Variants in AFF3 observed in about 807,000 individuals in gnomAD.
AFF3 encodes the protein AF4/FMR2 family member 3.
In AFF3, 32 loss-of-function variants were observed where a neutral mutation model predicts 129.7. The ratio of observed to expected loss-of-function variants is 0.25; its 90% confidence interval spans 0.19 to 0.33. AFF3 has a LOEUF of 0.33. AFF3 is among the 10% of genes least tolerant of loss of function. The pLI, the probability that AFF3 is intolerant of heterozygous loss-of-function variation, is 1.00. For missense variants in AFF3, 1,373 were observed against 1,592.0 expected (o/e 0.86, Z 2.34); for synonymous variants, 644 against 635.4 (o/e 1.01, Z -0.20).
chr2:99,740,391 G>A (rs1427911707), intron 10 of AFF3, among the ~76,000 whole-genome samples: 3 of 151,364 alleles, frequency 2.0e-5, no homozygotes, highest in South Asian at 2.1e-4. Flanking sequence ...TCGCCACACC[G>A]ACTTCCACAA....
chr2:99,714,336 AAT>A (rs1299848895), intron 11 of AFF3, among the ~76,000 whole-genome samples: 4 of 152,190 alleles, frequency 2.6e-5, no homozygotes, highest in Non-Finnish European at 2.9e-5. Flanking sequence ...CCTCCAGTCT[AAT>A]TTGTGATTCT....
At chr2:99,820,515 T>A (rs2105673869) in intron 8 of AFF3, among the ~76,000 whole-genome samples, 1 of 152,104 alleles carries the variant, frequency 6.6e-6, no homozygotes, top group East Asian at 1.9e-4. Flanking sequence ...TACCGTACAC[T>A]ACTGTAGACT....
At chr2:100,093,071 C>T (rs113670738) in intron 4 of AFF3, among the ~76,000 whole-genome samples, 22,902 of 152,048 alleles carry the variant, frequency 0.15, 1,756 homozygotes, top group East Asian at 0.27. Context: ...AGACGGATTG[C>T]GTTACATTAT....
rs35573862 is a variant in AFF3 at position 99,896,620 on chromosome 2, CTTTTT to C, written c.874-59101_874-59097del. ...GATCATTTACTTCCCTGTCAAAATG[CTTTTT>C]TTTTTTTTTTTTTTTTTTTTTTTTT... On this transcript the variant is annotated intron_variant, in intron 7 of 24. Coordinates refer to ENST00000672756, the MANE Select transcript of AFF3 (RefSeq NM_001386135.1). Among the ~76,000 whole-genome samples the C allele has an allele frequency of 2.8e-4, 10 of 36,086 alleles. No individual in the cohort carries two copies. The South Asian group carries it at 4.9e-3, about 18-fold the overall frequency. The allele number at this position is 36,086 out of a possible 152,430, so 23.7% of individuals were successfully genotyped here.
At chr2:99,780,641 C>T (rs1386965908) in intron 8 of AFF3, among the ~76,000 whole-genome samples, 3 of 152,166 alleles carry the variant, frequency 2.0e-5, no homozygotes, top group Non-Finnish European at 4.4e-5. Context: ...TCGAGTTCCA[C>T]CACAAACCTG....
At chr2:99,973,073 A>G (rs1382343645) in intron 7 of AFF3, among the ~76,000 whole-genome samples, 1 of 152,178 alleles carries the variant, frequency 6.6e-6, no homozygotes, top group African/African-American at 2.4e-5. Flanking sequence ...ACCCGAAAAC[A>G]ACACATGATA....
At chr2:99,946,587 C>T (rs1180667449) in intron 7 of AFF3, among the ~76,000 whole-genome samples, 2 of 151,538 alleles carry the variant, frequency 1.3e-5, no homozygotes, top group Non-Finnish European at 2.9e-5. Flanking sequence ...TTTCCCCATA[C>T]CCCCAAACTC....
At chr2:99,586,797 C>T (rs1014972016) in intron 16 of AFF3, among the ~76,000 whole-genome samples, 5 of 152,094 alleles carry the variant, frequency 3.3e-5, no homozygotes, top group Non-Finnish European at 7.4e-5. Context: ...TGTATTTCTT[C>T]GTCTGTGTAA....
intron 12 of AFF3, among the ~76,000 whole-genome samples, chr2:99,657,170 G>A (rs1220658730): frequency 6.6e-6 from 1 of 152,186 alleles, no homozygotes; most frequent in African/African-American, 2.4e-5. Context: ...AGAGCTGAAC[G>A]GGGTCAGCAG....
intron 8 of AFF3, among the ~76,000 whole-genome samples, chr2:99,800,009 T>C (rs1407538504): frequency 6.6e-6 from 1 of 152,168 alleles, no homozygotes; most frequent in African/African-American, 2.4e-5. Flanking sequence ...ATTGTGACTT[T>C]AGATTATACC....
Position 99,952,618 on chromosome 2 carries a change from C to T in AFF3, c.873+54014G>A, listed in dbSNP as rs780555624. Among the ~76,000 whole-genome samples, 6 of 152,132 alleles carry T rather than the reference C, an allele frequency of 3.9e-5. No individual in the cohort carries two copies. In the South Asian group the frequency reaches 8.3e-4, roughly 21 times the overall value. The stretch of plus-strand genomic sequence containing the variant: ...CTAGGCTTTATTAGAAAGATGAATA[C>T]ATCAAAATAGAAATAACTTATATAA... On this transcript the variant is annotated intron_variant, in intron 7 of 24. Transcript: ENST00000672756.
chr2:99,901,459 C>T (rs542476885), intron 7 of AFF3, among the ~76,000 whole-genome samples: 7 of 152,244 alleles, frequency 4.6e-5, no homozygotes, highest in Non-Finnish European at 7.4e-5. Flanking sequence ...TCTTCACAGC[C>T]GAAGGGACAC....
chr2:99,648,199 T>C (rs562493096), intron 13 of AFF3, among the ~76,000 whole-genome samples: 1 of 152,316 alleles, frequency 6.6e-6, no homozygotes, highest in Admixed American at 6.5e-5. Context: ...TACAATTCAG[T>C]GGTCTGGTAT....
At chr2:99,988,821 T>A (rs1409450834) in intron 7 of AFF3, among the ~76,000 whole-genome samples, 1 of 152,182 alleles carries the variant, frequency 6.6e-6, no homozygotes. Context: ...GGAGCATGAA[T>A]GTAACATGAT....
intron 7 of AFF3, among the ~76,000 whole-genome samples, chr2:99,861,909 G>C (rs1309928315): frequency 6.6e-6 from 1 of 152,070 alleles, no homozygotes; most frequent in Admixed American, 6.6e-5. Flanking sequence ...AACTTTGCAA[G>C]TTGCTCAAAA....
At chr2:99,739,650 T>A (rs570319573) in intron 10 of AFF3, among the ~76,000 whole-genome samples, 1 of 151,888 alleles carries the variant, frequency 6.6e-6, no homozygotes, top group South Asian at 2.1e-4. Context: ...AGTCATTTTC[T>A]GTTTATACAA....
chr2:99,629,242 G>C (rs1682899773), intron 13 of AFF3, among the ~76,000 whole-genome samples: 1 of 152,148 alleles, frequency 6.6e-6, no homozygotes, highest in African/African-American at 2.4e-5. Context: ...TTTTGACCCA[G>C]TACTGCTCTC....
intron 11 of AFF3, among the ~76,000 whole-genome samples, chr2:99,687,628 G>A (rs772400001): frequency 6.6e-6 from 1 of 152,116 alleles, no homozygotes; most frequent in Non-Finnish European, 1.5e-5. Flanking sequence ...GGTCTCATAA[G>A]CAGGGAGGAA....
At chr2:99,616,683 G>A (rs2105263210) in intron 13 of AFF3, among the ~76,000 whole-genome samples, 1 of 152,198 alleles carries the variant, frequency 6.6e-6, no homozygotes, top group East Asian at 1.9e-4. Context: ...TTGAACCCAG[G>A]AGGTGGAGGT....
Sources: allele counts gnomAD v4.1 joint callset (sites outside exome capture counted in the v4.1 genomes callset), GRCh38; gene constraint gnomAD v4.1.1; transcripts MANE v1.5; gene names NCBI Gene and HGNC (gene_info 2026-07-23, HGNC 2026-07-21).